SCN4B: variants seen among roughly 807,000 people sequenced by gnomAD.
The protein encoded by SCN4B is sodium channel regulatory subunit beta-4.
A neutral mutation model predicts 19.6 loss-of-function variants in SCN4B; 20 were observed. That is an observed-to-expected ratio of 1.02 (90% CI 0.72 to 1.48). The LOEUF (loss-of-function observed/expected upper bound fraction) is 1.48, where lower values mean the gene tolerates loss of function less well. Among genes scored for constraint, SCN4B ranks in the 40% most tolerant of loss-of-function variants. The probability of loss-of-function intolerance (pLI) is 0.00; values close to 1 mark genes in which losing one functional copy is unlikely to be tolerated. For missense variants in SCN4B, 271 were observed against 287.5 expected, an observed-to-expected ratio of 0.94 and a Z score of 0.42; for synonymous variants, 127 against 122.8, an observed-to-expected ratio of 1.03 and a Z score of -0.22.
In SCN4B at chr11:118,144,026, G is replaced by T; in HGVS notation, c.270C>A (p.Asp90Glu). Residue 90 changes from aspartate (D) to glutamate (E), a missense_variant, in exon 3 of 5, where the codon GAC becomes GAA. Physicochemically the swap from Asp to Glu is conservative, Grantham distance 45 (BLOSUM62 2). Transcript: ENST00000324727. ...CATCGTCTTTCAACGTCACCTTGGG[G>T]TCAGACTTCTCATTCTTCACAGTCC... ...IEGTVKNEKS[D>E]PKVTLKDDDR... 1 of 1,613,938 alleles carries T rather than the reference G, an allele frequency of 6.2e-7. No individual in the cohort carries two copies. The highest frequency in any genetic ancestry group is 2.2e-5 in the East Asian group (1 of 44,886).
chr11:118,147,709 C>T (rs1223166466), intron 1 of SCN4B, among the ~76,000 whole-genome samples: 2 of 152,210 alleles, frequency 1.3e-5, no homozygotes, highest in Admixed American at 1.3e-4. Context: ...ACAGCCCCCA[C>T]AAACAGGAAG....
chr11:118,145,940 G>A (rs894600954), intron 1 of SCN4B, among the ~76,000 whole-genome samples: 1 of 152,228 alleles, frequency 6.6e-6, no homozygotes, highest in Non-Finnish European at 1.5e-5. Flanking sequence ...GAACACGGCG[G>A]GGGTGGGGAC....
rs1023817309 is a variant in SCN4B, at chr11:118,135,878, C to T, written c.*1149G>A. The T allele has an allele frequency of 2.4e-5, 11 of 454,300 alleles. No homozygotes were observed. Among genetic ancestry groups the T allele is most frequent in the Non-Finnish European group, 4.9e-5 (11 of 226,726 alleles). 28.1% of individuals were successfully genotyped at this position (454,300 alleles called of 1,614,324 possible). Reference sequence around the variant, plus strand: ...GCACCCACTCCCTGCTCCTCCCCAACCCCAGGGTGGGAGGGGGTGGCCCAG... The same window carrying T: ...GCACCCACTCCCTGCTCCTCCCCAATCCCAGGGTGGGAGGGGGTGGCCCAG... On this transcript the variant is annotated 3_prime_UTR_variant, in exon 5 of 5. Transcript: ENST00000324727.
rs1445442967 is a variant in SCN4B, at chr11:118,143,957, G to A, written c.339C>T (p.Asn113=). 2 of 1,613,940 alleles carry A rather than the reference G, an allele frequency of 1.2e-6. No individual in the cohort carries two copies. The highest frequency in any genetic ancestry group is 1.3e-5 in the African/African-American group (1 of 74,926). Residue 113 remains asparagine, a synonymous_variant, in exon 3 of 5, where the codon AAC becomes AAT. Coordinates refer to ENST00000324727, the MANE Select transcript of SCN4B (RefSeq NM_174934.4). ...LVGSTKEKMN[N]ISIVLRDLEF... is the part of the protein sequence containing the mutation. ...CCAGGTCCCTCAGCACAATGGAAAT[G>A]TTGTTCATCTTCTCCTTAGTAGAGC... is the stretch of plus-strand genomic sequence containing the variant.
rs1948026343 is a variant in SCN4B at position 118,137,134 on chromosome 11, G to C, written c.594-14C>G. 6.3e-7 allele frequency: 1 copy of C among 1,588,318 alleles called. No homozygotes were observed. ...AGACACTCCTTCCTGGAGAGGGAGA[G>C]AGAAGGGACAGTGGTGAGGAGAGGA... is the stretch of plus-strand genomic sequence containing the variant. On this transcript the variant is annotated splice_polypyrimidine_tract_variant and intron_variant, in intron 4 of 4. Transcript: ENST00000324727.
At chr11:118,149,617 C>A (rs548346597) in intron 1 of SCN4B, among the ~76,000 whole-genome samples, 1 of 152,336 alleles carries the variant, frequency 6.6e-6, no homozygotes, top group South Asian at 2.1e-4. Flanking sequence ...TGAAAGCATG[C>A]CCCTGAGACA....
chr11:118,152,775 G>T lies in SCN4B; in HGVS notation c.-102C>A. ...GGCGTTCGGCCACAAAGCTACCCCGGAGCTCTGCGCCGCCGGTCGGGGCTC... is the reference window on the plus strand; with the variant it reads ...GGCGTTCGGCCACAAAGCTACCCCGTAGCTCTGCGCCGCCGGTCGGGGCTC... On this transcript the variant is annotated 5_prime_UTR_variant, in exon 1 of 5. Transcript: ENST00000324727. 1 of 869,236 alleles carries T rather than the reference G, an allele frequency of 1.2e-6. No individual in the cohort carries two copies. The allele number at this position is 869,236 out of a possible 1,614,324, so 53.8% of individuals were successfully genotyped here.
chr11:118,136,304 G>A lies in SCN4B; in HGVS notation c.*723C>T, dbSNP rs1380901683. ...CGGGTACTCCAGGAAGGCTCGAGGGGCCCCTTCCTGAGCCCCTCAGTAACC... is the reference window on the plus strand; with the variant it reads ...CGGGTACTCCAGGAAGGCTCGAGGGACCCCTTCCTGAGCCCCTCAGTAACC... On this transcript the variant is annotated 3_prime_UTR_variant, in exon 5 of 5. Coordinates refer to ENST00000324727, the MANE Select transcript of SCN4B (RefSeq NM_174934.4). 2 of 453,860 alleles carry A rather than the reference G, an allele frequency of 4.4e-6. No homozygotes were observed. Among genetic ancestry groups the A allele is most frequent in the Admixed American group, 2.3e-5 (1 of 42,572 alleles). The allele number at this position is 453,860 out of a possible 1,614,324, so 28.1% of individuals were successfully genotyped here.
At chr11:118,141,147 G>A in intron 4 of SCN4B, 60 bp downstream of exon 4, 1 of 1,605,796 alleles carries the variant, frequency 6.2e-7, no homozygotes, top group Non-Finnish European at 8.5e-7. Flanking sequence ...AAGCTGGTGG[G>A]GGTAGATGAG....
intron 1 of SCN4B, among the ~76,000 whole-genome samples, chr11:118,147,234 G>A (rs1948188800): frequency 6.6e-6 from 1 of 152,234 alleles, no homozygotes; most frequent in African/African-American, 2.4e-5. Flanking sequence ...TATATATGAT[G>A]AAACTGAGGC....
intron 1 of SCN4B, among the ~76,000 whole-genome samples, chr11:118,152,308 A>G (rs1484210266): frequency 6.6e-6 from 1 of 152,204 alleles, no homozygotes; most frequent in African/African-American, 2.4e-5. Flanking sequence ...TGAACCTCTG[A>G]ACTCTGGAGA....
chr11:118,142,076 C>T (rs918586316), intron 3 of SCN4B, among the ~76,000 whole-genome samples: 3 of 152,260 alleles, frequency 2.0e-5, no homozygotes, highest in Non-Finnish European at 2.9e-5. Flanking sequence ...CACAATCTCC[C>T]TGGCCCTGGC....
rs1157517572 is a variant in SCN4B, at chr11:118,136,036, G to GT, written c.*990dup. ...GGGGCAGGGCGTGATGGAGGGCACG[G>GT]TGGGGGGGGGGGAGCGAGCCAATGG... On this transcript the variant is annotated 3_prime_UTR_variant, in exon 5 of 5. Transcript: ENST00000324727. 2 of 377,004 alleles carry GT rather than the reference G, an allele frequency of 5.3e-6. No individual in the cohort carries two copies. The highest frequency in any genetic ancestry group is 2.8e-5 in the Admixed American group (1 of 35,842). 23.4% of individuals were successfully genotyped at this position (377,004 alleles called of 1,614,324 possible). A position where few individuals can be genotyped will look rare whatever the true frequency, so the allele number is the denominator to read the frequency against.
Position 118,135,692 on chromosome 11 carries a change from G to C in SCN4B, c.*1335C>G. 2.2e-6 allele frequency: 1 copy of C among 454,458 alleles called. No individual in the cohort carries two copies. 28.2% of individuals were successfully genotyped at this position (454,458 alleles called of 1,614,324 possible). On this transcript the variant is annotated 3_prime_UTR_variant, in exon 5 of 5. Coordinates refer to ENST00000324727, the MANE Select transcript of SCN4B (RefSeq NM_174934.4). ...TATGACCCTGGGGAGGGGAGGGCTG[G>C]CGAACCCTCACCAGCACCACACCAG...
rs1378075847 is a variant in SCN4B, at chr11:118,152,606, G to A, written c.61+7C>T. 6.2e-7 allele frequency: 1 copy of A among 1,611,722 alleles called. No homozygotes were observed. Among genetic ancestry groups the A allele is most frequent in the Non-Finnish European group, 8.5e-7 (1 of 1,178,442 alleles). On this transcript the variant is annotated splice_region_variant and intron_variant, in intron 1 of 4. Transcript: ENST00000324727. ...CAAGAGAAGAGACCAAGCTGGGGCT[G>A]CCTTACCCAAAAGCCCAGTGCCCAG...
rs991364733 is a variant in SCN4B at position 118,134,115 on chromosome 11, G to A, written c.*2912C>T. ...CTGATCGGCCTGCCATATGTAGTCT[G>A]AGCCCCATCGGCTGCTCTCCCCAGG... On this transcript the variant is annotated 3_prime_UTR_variant, in exon 5 of 5. Transcript: ENST00000324727. 1.1e-5 allele frequency: 5 copies of A among 454,280 alleles called. No homozygotes were observed. The highest frequency in any genetic ancestry group is 2.0e-5 in the African/African-American group (1 of 50,002). The allele number at this position is 454,280 out of a possible 1,614,324, so 28.1% of individuals were successfully genotyped here. A position where few individuals can be genotyped will look rare whatever the true frequency, so the allele number is the denominator to read the frequency against.
intron 1 of SCN4B, among the ~76,000 whole-genome samples, chr11:118,145,971 G>A (rs1244652928): frequency 6.6e-6 from 1 of 152,094 alleles, no homozygotes; most frequent in East Asian, 1.9e-4. Flanking sequence ...CTTGGAGCTT[G>A]GCAGCCGCGG....
At chr11:118,139,321 T>C (rs2135499672) in intron 4 of SCN4B, among the ~76,000 whole-genome samples, 1 of 152,200 alleles carries the variant, frequency 6.6e-6, no homozygotes, top group Middle Eastern at 3.4e-3. Context: ...TTAAGTTATA[T>C]TAATCTTGCA....
In SCN4B at chr11:118,141,246, T is replaced by C. The variant is rs992756382; in HGVS notation, c.554A>G (p.Lys185Arg). Reference sequence around the variant, plus strand: ...CTTCTTCAGGATGAAGATGATGAGTTTCTTGATCAGCAGGATGAGGATGAG... The same window carrying C: ...CTTCTTCAGGATGAAGATGATGAGTCTCTTGATCAGCAGGATGAGGATGAG... ...GLLILILLIK[K>R]LIIFILKKTR... Residue 185 changes from lysine to arginine, a missense_variant, in exon 4 of 5, where the codon AAA becomes AGA. Coordinates refer to ENST00000324727, the MANE Select transcript of SCN4B (RefSeq NM_174934.4). 1.2e-6 allele frequency: 2 copies of C among 1,612,804 alleles called. No individual in the cohort carries two copies. Among genetic ancestry groups the C allele is most frequent in the African/African-American group, 1.3e-5 (1 of 74,818 alleles).
Sources: allele counts gnomAD v4.1 joint callset (sites outside exome capture counted in the v4.1 genomes callset), GRCh38; gene constraint gnomAD v4.1.1; transcripts MANE v1.5; gene names NCBI Gene and HGNC (gene_info 2026-07-23, HGNC 2026-07-21).